The following RORA variants were observed in gnomAD, a reference collection of about 807,000 sequenced individuals.
The protein encoded by RORA is RAR related orphan receptor A.
RORA carries 7 observed loss-of-function variants against 69.5 expected under a neutral mutation model. That is an observed-to-expected ratio of 0.10 (90% CI 0.06 to 0.19). The LOEUF (loss-of-function observed/expected upper bound fraction) is 0.19, where lower values mean the gene tolerates loss of function less well. Among genes scored for constraint, RORA ranks in the 10% least tolerant of loss-of-function variants. The pLI, the probability that RORA is intolerant of heterozygous loss-of-function variation, is 1.00. For synonymous variants in RORA, 261 were observed against 240.8 expected, an observed-to-expected ratio of 1.08 and a Z score of -0.78; for missense variants, 457 against 663.0, an observed-to-expected ratio of 0.69 and a Z score of 3.41.
chr15:60,610,475 A>C (rs1567122346), intron 2 of RORA, among the ~76,000 whole-genome samples: 1 of 152,200 alleles, frequency 6.6e-6, no homozygotes, highest in Non-Finnish European at 1.5e-5. Flanking sequence ...GTTGCAGTTT[A>C]ATTCAGCAGG....
chr15:61,064,406 G>C (rs1327202835), intron 1 of RORA, among the ~76,000 whole-genome samples: 7 of 152,144 alleles, frequency 4.6e-5, no homozygotes, highest in Admixed American at 4.6e-4. Context: ...CACTCTTACT[G>C]GCTTTATATT....
chr15:60,515,785 A>C (rs2065847143), intron 3 of RORA, among the ~76,000 whole-genome samples: 1 of 147,312 alleles, frequency 6.8e-6, no homozygotes, highest in Non-Finnish European at 1.5e-5. Flanking sequence ...TCTGTCACCC[A>C]GGCCAGACTC....
intron 2 of RORA, among the ~76,000 whole-genome samples, chr15:60,674,540 A>C (rs1182196585): frequency 1.3e-5 from 2 of 152,214 alleles, no homozygotes; most frequent in Non-Finnish European, 1.5e-5. Flanking sequence ...TGGATGCAAA[A>C]GATTAGTTCT....
chr15:60,873,826 A>C (rs2073585312), intron 1 of RORA, among the ~76,000 whole-genome samples: 1 of 152,190 alleles, frequency 6.6e-6, no homozygotes, highest in Admixed American at 6.5e-5. Flanking sequence ...ATTCTGGAGC[A>C]AAAAGCAAAT....
At chr15:60,767,939 C>T (rs1260797954) in intron 1 of RORA, among the ~76,000 whole-genome samples, 3 of 152,130 alleles carry the variant, frequency 2.0e-5, no homozygotes, top group South Asian at 2.1e-4. Flanking sequence ...GGCCACATCT[C>T]GTTCATCACT....
intron 1 of RORA, among the ~76,000 whole-genome samples, chr15:60,803,420 C>T (rs2072615355): frequency 6.6e-6 from 1 of 152,106 alleles, no homozygotes; most frequent in African/African-American, 2.4e-5. Flanking sequence ...TGTTTGTGGC[C>T]CAAGGATGCA....
intron 1 of RORA, among the ~76,000 whole-genome samples, chr15:61,126,608 G>A (rs1168909283): frequency 1.3e-5 from 2 of 152,084 alleles, no homozygotes; most frequent in African/African-American, 4.8e-5. Flanking sequence ...ACAAGCTACT[G>A]GTTTTTTCAC....
In RORA at chr15:61,039,104, T is replaced by C. The variant is rs570050110; in HGVS notation, c.166+189949A>G. 4 of 152,372 alleles carry C rather than the reference T, an allele frequency of 2.6e-5. No individual in the cohort carries two copies. In the East Asian group the frequency reaches 7.7e-4, roughly 29 times the overall value. 9.4% of individuals were successfully genotyped at this position (152,372 alleles called of 1,614,324 possible). ...CTTGCTGTTTGGGGTTAGCTCGTCC[T>C]TGGCCAAGTACAACTTCTGGTTTCT... On this transcript the variant is annotated intron_variant, in intron 1 of 10. Transcript: ENST00000335670.
chr15:60,819,759 A>ACACACACACACACGCG (rs1160100687), intron 1 of RORA, among the ~76,000 whole-genome samples: 3 of 132,798 alleles, frequency 2.3e-5, no homozygotes, highest in African/African-American at 8.4e-5. Flanking sequence ...ACACACACAC[A>ACACACACACACACGCG]CACACACACA....
chr15:61,039,744 C>CAA (rs5813062), intron 1 of RORA, among the ~76,000 whole-genome samples: 24,020 of 82,306 alleles, frequency 0.29, 3,555 homozygotes, highest in East Asian at 0.62. Flanking sequence ...GACTCTGTCT[C>CAA]AAAAAAAAAA....
intron 1 of RORA, among the ~76,000 whole-genome samples, chr15:60,691,453 C>A (rs2070823968): frequency 6.6e-6 from 1 of 152,138 alleles, no homozygotes; most frequent in African/African-American, 2.4e-5. Flanking sequence ...AACTGAGGAT[C>A]AGAAAAACTT....
At chr15:60,577,644 C>CAAA (rs34467661) in intron 2 of RORA, among the ~76,000 whole-genome samples, 1 of 104,778 alleles carries the variant, frequency 9.5e-6, no homozygotes, top group Non-Finnish European at 2.0e-5. Context: ...ACTCTGTTTC[C>CAAA]AAAAAAAAAA....
chr15:60,812,447 C>A (rs1051854400), intron 1 of RORA, among the ~76,000 whole-genome samples: 5 of 152,150 alleles, frequency 3.3e-5, no homozygotes, highest in African/African-American at 4.8e-5. Flanking sequence ...GAGTTCAAGG[C>A]TGCAGTCAGC....
chr15:60,596,749 C>G (rs1752161993), intron 2 of RORA, among the ~76,000 whole-genome samples: 1 of 152,072 alleles, frequency 6.6e-6, no homozygotes, highest in Admixed American at 6.5e-5. Context: ...GTTTATCTGC[C>G]TTATTCATGA....
At chr15:60,821,962 A>G (rs552742550) in intron 1 of RORA, among the ~76,000 whole-genome samples, 31 of 152,356 alleles carry the variant, frequency 2.0e-4, no homozygotes, top group South Asian at 6.2e-4. Context: ...AGTTTGCTGA[A>G]TAAATAAAGG....
At chr15:60,549,892 A>G (rs1221557525) in intron 2 of RORA, among the ~76,000 whole-genome samples, 1 of 152,232 alleles carries the variant, frequency 6.6e-6, no homozygotes, top group Non-Finnish European at 1.5e-5. Context: ...CATCAACTGA[A>G]TTGTAAGGAC....
At chr15:60,773,282 CT>C (rs1264928937) in intron 1 of RORA, among the ~76,000 whole-genome samples, 4 of 152,138 alleles carry the variant, frequency 2.6e-5, no homozygotes, top group Non-Finnish European at 4.4e-5. Context: ...TCGGTGCTGG[CT>C]TTATCATTCA....
chr15:61,010,767 T>A (rs564879735), intron 1 of RORA, among the ~76,000 whole-genome samples: 1 of 152,290 alleles, frequency 6.6e-6, no homozygotes, highest in Admixed American at 6.5e-5. Context: ...TTATGCCCAG[T>A]GGACAATAAG....
At chr15:61,023,851 C>T (rs1051540409) in intron 1 of RORA, among the ~76,000 whole-genome samples, 19 of 152,164 alleles carry the variant, frequency 1.2e-4, no homozygotes, top group African/African-American at 4.6e-4. Context: ...ACACTGTCTT[C>T]ATCAGTAGAT....
Sources: gnomAD v4.1 joint callset for allele counts (sites outside exome capture counted in the v4.1 genomes callset) on GRCh38, gnomAD v4.1.1 for gene constraint, MANE v1.5 for transcripts, NCBI Gene and HGNC (gene_info 2026-07-23, HGNC 2026-07-21) for gene names.